MED15: variants seen among roughly 807,000 people sequenced by gnomAD.
MED15 encodes mediator of RNA polymerase II transcription subunit 15.
A neutral mutation model predicts 118.7 loss-of-function variants in MED15; 41 were observed. The ratio of observed to expected loss-of-function variants is 0.35; its 90% CI spans 0.27 to 0.45. MED15 has a LOEUF of 0.45. MED15 is among the 20% of genes least tolerant of loss of function. The probability of loss-of-function intolerance (pLI) is 1.00; values close to 1 mark genes in which losing one functional copy is unlikely to be tolerated. For synonymous variants in MED15, 436 were observed against 413.9 expected, an observed-to-expected ratio of 1.05 and a Z score of -0.65; for missense variants, 740 against 1,025.5, an observed-to-expected ratio of 0.72 and a Z score of 3.80.
At chr22:20,573,611 A>G (rs570692004) in intron 8 of MED15, 5 of 152,376 alleles carry the variant, frequency 3.3e-5, no homozygotes, top group Admixed American at 3.3e-4. Context: ...TCCAGTAAAC[A>G]TAACTGGTGC....
At chr22:20,576,507 G>C (rs2056828335) in intron 9 of MED15, among the ~76,000 whole-genome samples, 1 of 152,258 alleles carries the variant, frequency 6.6e-6, no homozygotes, top group Non-Finnish European at 1.5e-5. Context: ...TTTAGCTTTT[G>C]CCTTCCCTGC....
At chr22:20,541,311 T>C (rs2055299844) in intron 2 of MED15, among the ~76,000 whole-genome samples, 1 of 152,150 alleles carries the variant, frequency 6.6e-6, no homozygotes, top group Non-Finnish European at 1.5e-5. Context: ...TGAATAAACC[T>C]ATCTCCAAAG....
intron 8 of MED15, among the ~76,000 whole-genome samples, chr22:20,572,878 T>C (rs750541736): frequency 8.5e-5 from 13 of 152,124 alleles, no homozygotes; most frequent in Non-Finnish European, 1.3e-4. Flanking sequence ...TGAGCTGTGA[T>C]GACAGCATTA....
At chr22:20,563,315 G>A (rs1386321167) in intron 5 of MED15, among the ~76,000 whole-genome samples, 1 of 152,154 alleles carries the variant, frequency 6.6e-6, no homozygotes, top group African/African-American at 2.4e-5. Flanking sequence ...CATGTAGACG[G>A]TTAAACACAC....
intron 5 of MED15, among the ~76,000 whole-genome samples, chr22:20,560,951 G>T (rs2056213602): frequency 6.6e-6 from 1 of 152,182 alleles, no homozygotes; most frequent in Non-Finnish European, 1.5e-5. Flanking sequence ...ATGCAAGTCA[G>T]CAGGGAGATA....
intron 1 of MED15, 39 bp downstream of exon 1, chr22:20,507,785 C>T (rs1300973851): frequency 6.2e-7 from 1 of 1,613,046 alleles, no homozygotes; most frequent in Non-Finnish European, 8.5e-7. Flanking sequence ...ATTGTGGGAC[C>T]TTCCTCCTTA....
intron 8 of MED15, among the ~76,000 whole-genome samples, chr22:20,569,741 A>G (rs165846): frequency 0.45 from 68,115 of 151,934 alleles, 15,624 homozygotes; most frequent in African/African-American, 0.52. Flanking sequence ...TCTTACTTAG[A>G]TGGAGCCCTG....
intron 9 of MED15, among the ~76,000 whole-genome samples, chr22:20,576,228 A>C (rs2056821172): frequency 6.6e-6 from 1 of 152,242 alleles, no homozygotes. Context: ...TGAAAACATC[A>C]AATTTGCCAA....
At chr22:20,567,297 A>G (rs2056479042) in intron 7 of MED15, among the ~76,000 whole-genome samples, 1 of 152,232 alleles carries the variant, frequency 6.6e-6, no homozygotes, top group Non-Finnish European at 1.5e-5. Context: ...GAGTATTAAT[A>G]TAAAATACTG....
At position 20,586,399 on chromosome 22, in the gene MED15, C is replaced by T. The variant is rs367648802; in HGVS notation, c.2231-169C>T. Among the ~76,000 whole-genome samples the T allele has an allele frequency of 5.3e-5, 8 of 152,364 alleles. No individual in the cohort carries two copies. In the East Asian group the frequency reaches 5.8e-4, roughly 11 times the overall value. On this transcript the variant is annotated intron_variant, in intron 17 of 17. Coordinates refer to ENST00000263205, the MANE Select transcript of MED15 (RefSeq NM_001003891.3). ...CCTGTTCAGATTTGGTTCTCACTGA[C>T]GATGAGGCTCTGGGAGGAGAGCCCA...
At chr22:20,509,967 G>C (rs973869855) in intron 1 of MED15, among the ~76,000 whole-genome samples, 1 of 152,106 alleles carries the variant, frequency 6.6e-6, no homozygotes, top group African/African-American at 2.4e-5. Context: ...TGAGTGACTG[G>C]ATACTTCATA....
intron 1 of MED15, among the ~76,000 whole-genome samples, chr22:20,531,029 G>A (rs2054841323): frequency 6.6e-6 from 1 of 152,120 alleles, no homozygotes; most frequent in African/African-American, 2.4e-5. Context: ...TCATCCTCAG[G>A]GCTACCCGTG....
chr22:20,543,111 TTGTGTGTGTG>T (rs61279859), intron 2 of MED15, among the ~76,000 whole-genome samples: 49 of 141,272 alleles, frequency 3.5e-4, no homozygotes, highest in Admixed American at 7.2e-4. Context: ...TCTCTCTTCT[TTGTGTGTGTG>T]TGTGTGTGTG....
chr22:20,538,311 G>A (rs1272849004), intron 2 of MED15, among the ~76,000 whole-genome samples: 1 of 151,696 alleles, frequency 6.6e-6, no homozygotes, highest in Admixed American at 6.6e-5. Flanking sequence ...GTGCAGTGGC[G>A]TGATCTCAGC....
At chr22:20,586,322 C>T (rs1293929261) in intron 17 of MED15, among the ~76,000 whole-genome samples, 2 of 151,888 alleles carry the variant, frequency 1.3e-5, no homozygotes, top group Non-Finnish European at 1.5e-5. Context: ...AGAGCTGGCA[C>T]ACAGTAGAGC....
At chr22:20,569,522 C>T (rs1287741489) in intron 8 of MED15, among the ~76,000 whole-genome samples, 6 of 152,172 alleles carry the variant, frequency 3.9e-5, no homozygotes, top group South Asian at 4.1e-4. Flanking sequence ...GCCTGCTGGG[C>T]GCAGCGCCTG....
At chr22:20,580,086 C>T (rs1283975295) in intron 9 of MED15, among the ~76,000 whole-genome samples, 3 of 152,074 alleles carry the variant, frequency 2.0e-5, no homozygotes, top group East Asian at 1.9e-4. Context: ...GAAAGGGTGC[C>T]CCTCGTTTGT....
intron 1 of MED15, among the ~76,000 whole-genome samples, chr22:20,510,534 G>A (rs2054027393): frequency 6.6e-6 from 1 of 152,212 alleles, no homozygotes; most frequent in African/African-American, 2.4e-5. Context: ...TGAATGCCTT[G>A]GGGTGGAACT....
intron 4 of MED15, among the ~76,000 whole-genome samples, chr22:20,554,082 T>G (rs546870389): frequency 1.2e-3 from 180 of 152,332 alleles, no homozygotes; most frequent in African/African-American, 4.1e-3. Flanking sequence ...ACAGTAGAGC[T>G]GTACATGCCA....
Sources: allele counts gnomAD v4.1 joint callset (sites outside exome capture counted in the v4.1 genomes callset), GRCh38; gene constraint gnomAD v4.1.1; transcripts MANE v1.5; gene names NCBI Gene and HGNC (gene_info 2026-07-23, HGNC 2026-07-21).